Variants in DCPS observed in about 807,000 individuals in gnomAD.
The protein encoded by DCPS is m7GpppX diphosphatase.
A neutral mutation model predicts 34.7 loss-of-function variants in DCPS; 27 were observed. The ratio of observed to expected loss-of-function variants is 0.78; its 90% CI spans 0.57 to 1.07. The LOEUF (loss-of-function observed/expected upper bound fraction) is 1.07. DCPS is among the 50% of genes least tolerant of loss of function. DCPS has a pLI of 0.00. For synonymous variants in DCPS, 185 were observed against 185.7 expected (o/e 1.00, Z 0.03); for missense variants, 464 against 436.9 (o/e 1.06, Z -0.55).
chr11:126,316,415 C>T (rs1448468071), intron 2 of DCPS, among the ~76,000 whole-genome samples: 1 of 151,778 alleles, frequency 6.6e-6, no homozygotes, highest in Admixed American at 6.6e-5. Context: ...CAGTGTGACC[C>T]AGGGAAGCCA....
rs1156681339 is a variant in DCPS at position 126,327,578 on chromosome 11, C to A, written c.377-3827C>A. ...TTGTTTATTGAGCATTGACTCCTGA[C>A]CAAACTCCTCCTGAAGTTCAGCTGC... is the stretch of plus-strand genomic sequence containing the variant. On this transcript the variant is annotated intron_variant, in intron 2 of 5. Coordinates refer to ENST00000263579, the MANE Select transcript of DCPS (RefSeq NM_014026.6). The surrounding 1 kb of genome is among the most constrained non-coding windows in gnomAD (Gnocchi z 4.1). Among the ~76,000 whole-genome samples, 1 of 152,218 alleles carries A rather than the reference C, an allele frequency of 6.6e-6. No individual in the cohort carries two copies. Among genetic ancestry groups the A allele is most frequent in the Non-Finnish European group, 1.5e-5 (1 of 68,046 alleles).
In DCPS at chr11:126,334,113, C is replaced by G. The variant is rs1951812856; in HGVS notation, c.522+2563C>G. Reference sequence around the variant, plus strand: ...GAGCAATTTAAGAGGTAGGTCTTCACAGGGCTGGATGGGGCTTAGCAACTG... The same window carrying G: ...GAGCAATTTAAGAGGTAGGTCTTCAGAGGGCTGGATGGGGCTTAGCAACTG... On this transcript the variant is annotated intron_variant, in intron 3 of 5. Transcript: ENST00000263579. This position sits in a 1 kb window ranked among gnomAD's most constrained non-coding sequence, Gnocchi z 5.5. Among the ~76,000 whole-genome samples the G allele has an allele frequency of 6.6e-6, 1 of 152,008 alleles. No individual in the cohort carries two copies. Among genetic ancestry groups the G allele is most frequent in the Non-Finnish European group, 1.5e-5 (1 of 68,002 alleles).
Position 126,331,323 on chromosome 11 carries a change from G to A in DCPS, c.377-82G>A, listed in dbSNP as rs1017416688. 2 of 1,551,886 alleles carry A rather than the reference G, an allele frequency of 1.3e-6. No individual in the cohort carries two copies. The highest frequency in any genetic ancestry group is 3.8e-5 in the Admixed American group (2 of 53,064). ...CCCTCAGGGAATCAAAGCCAGGGTGGGAGTTCTCTCCTCACCGTGGTGCCT... is the reference window on the plus strand; with the variant it reads ...CCCTCAGGGAATCAAAGCCAGGGTGAGAGTTCTCTCCTCACCGTGGTGCCT... On this transcript the variant is annotated intron_variant, in intron 2 of 5. Coordinates refer to ENST00000263579, the MANE Select transcript of DCPS (RefSeq NM_014026.6). The surrounding 1 kb of genome is among the most constrained non-coding windows in gnomAD (Gnocchi z 7.2).
chr11:126,331,325 AG>A lies in DCPS; in HGVS notation c.377-79del, dbSNP rs1951789480. 2 of 1,552,828 alleles carry A rather than the reference AG, an allele frequency of 1.3e-6. No homozygotes were observed. Among genetic ancestry groups the A allele is most frequent in the South Asian group, 1.2e-5 (1 of 83,406 alleles). On this transcript the variant is annotated intron_variant, in intron 2 of 5. Transcript: ENST00000263579. This position sits in a 1 kb window ranked among gnomAD's most constrained non-coding sequence, Gnocchi z 7.2. ...CTCAGGGAATCAAAGCCAGGGTGGG[AG>A]TTCTCTCCTCACCGTGGTGCCTGTG...
In DCPS at chr11:126,345,275, T is replaced by C; in HGVS notation, c.748-72T>C. 6.3e-7 allele frequency: 1 copy of C among 1,582,682 alleles called. No homozygotes were observed. The highest frequency in any genetic ancestry group is 8.6e-7 in the Non-Finnish European group (1 of 1,165,616). On this transcript the variant is annotated intron_variant, in intron 5 of 5. Coordinates refer to ENST00000263579, the MANE Select transcript of DCPS (RefSeq NM_014026.6). This position sits in a 1 kb window ranked among gnomAD's most constrained non-coding sequence, Gnocchi z 7.4. ...ATCCAGGATTCAGATGGGAGGAGGG[T>C]CTAGGTGGGGACATGGCGCCGGGCC...
chr11:126,308,301 CCTT>C (rs1951590265), intron 2 of DCPS, among the ~76,000 whole-genome samples: 2 of 152,150 alleles, frequency 1.3e-5, no homozygotes, highest in Admixed American at 6.5e-5. Context: ...TTTGTCATAT[CCTT>C]CTGTCTTCTT....
At position 126,319,195 on chromosome 11, in the gene DCPS, C is replaced by T. The variant is rs998295943; in HGVS notation, c.377-12210C>T. ...GGAGGCATCACTATCATCATTCTCGCCGCTAGAACATCCTGTAGATGAAGA... is the reference window on the plus strand; with the variant it reads ...GGAGGCATCACTATCATCATTCTCGTCGCTAGAACATCCTGTAGATGAAGA... On this transcript the variant is annotated intron_variant, in intron 2 of 5. Coordinates refer to ENST00000263579, the MANE Select transcript of DCPS (RefSeq NM_014026.6). The surrounding 1 kb of genome is among the most constrained non-coding windows in gnomAD (Gnocchi z 4.5). Among the ~76,000 whole-genome samples, 24 of 152,154 alleles carry T rather than the reference C, an allele frequency of 1.6e-4. No individual in the cohort carries two copies. The highest frequency in any genetic ancestry group is 3.5e-4 in the Non-Finnish European group (24 of 68,010).
rs540044603 is a variant in DCPS, at chr11:126,325,669, T to G, written c.377-5736T>G. On this transcript the variant is annotated intron_variant, in intron 2 of 5. Coordinates refer to ENST00000263579, the MANE Select transcript of DCPS (RefSeq NM_014026.6). The surrounding 1 kb of genome is among the most constrained non-coding windows in gnomAD (Gnocchi z 4.3). ...GCTTCATTTGACTCTTTGACATATA[T>G]GCAAGTACAATTTGAATTAAAAAGA... 6.6e-6 allele frequency among the ~76,000 whole-genome samples: 1 copy of G among 152,320 alleles called. No individual in the cohort carries two copies. The highest frequency in any genetic ancestry group is 2.1e-4 in the South Asian group (1 of 4,830).
rs1379011590 is a variant in DCPS, at chr11:126,313,383, T to C, written c.376+6639T>C. On this transcript the variant is annotated intron_variant, in intron 2 of 5. Transcript: ENST00000263579. This position sits in a 1 kb window ranked among gnomAD's most constrained non-coding sequence, Gnocchi z 4.9. ...AAGGAGCATTTTAAAAGACAAGTCATTCTCAGAAGAGTTTGCTTGGTAGCA... is the reference window on the plus strand; with the variant it reads ...AAGGAGCATTTTAAAAGACAAGTCACTCTCAGAAGAGTTTGCTTGGTAGCA... Among the ~76,000 whole-genome samples, 1 of 152,172 alleles carries C rather than the reference T, an allele frequency of 6.6e-6. No individual in the cohort carries two copies. The highest frequency in any genetic ancestry group is 2.4e-5 in the African/African-American group (1 of 41,426).
chr11:126,309,881 C>T (rs1951607057), intron 2 of DCPS, among the ~76,000 whole-genome samples: 1 of 152,142 alleles, frequency 6.6e-6, no homozygotes, highest in Admixed American at 6.5e-5. Flanking sequence ...ATCTTCCTTC[C>T]CAACCCCTTC....
In DCPS at chr11:126,328,602, T is replaced by C. The variant is rs1951757853; in HGVS notation, c.377-2803T>C. On this transcript the variant is annotated intron_variant, in intron 2 of 5. Coordinates refer to ENST00000263579, the MANE Select transcript of DCPS (RefSeq NM_014026.6). This position sits in a 1 kb window ranked among gnomAD's most constrained non-coding sequence, Gnocchi z 6.6. ...CAGGCCTCGGCAGACCAGGGCATGCTCACAGGCCGGGTGGCTTTCTGATCT... is the reference window on the plus strand; with the variant it reads ...CAGGCCTCGGCAGACCAGGGCATGCCCACAGGCCGGGTGGCTTTCTGATCT... Among the ~76,000 whole-genome samples, 1 of 152,102 alleles carries C rather than the reference T, an allele frequency of 6.6e-6. No individual in the cohort carries two copies. Among genetic ancestry groups the C allele is most frequent in the African/African-American group, 2.4e-5 (1 of 41,402 alleles).
Position 126,332,434 on chromosome 11 carries a change from G to A in DCPS, c.522+884G>A, listed in dbSNP as rs1298169110. Among the ~76,000 whole-genome samples the A allele has an allele frequency of 6.6e-6, 1 of 152,230 alleles. No homozygotes were observed. The highest frequency in any genetic ancestry group is 1.5e-5 in the Non-Finnish European group (1 of 68,042). On this transcript the variant is annotated intron_variant, in intron 3 of 5. Transcript: ENST00000263579. This position sits in a 1 kb window ranked among gnomAD's most constrained non-coding sequence, Gnocchi z 5.4. ...TTGCCCACTCACTGACTCTGACACT[G>A]TGCCTTGTCTTTATCACTCACCCTT...
Position 126,306,710 on chromosome 11 carries a change from C to T in DCPS, c.342C>T (p.Ser114=). 1 of 1,607,016 alleles carries T rather than the reference C, an allele frequency of 6.2e-7. No individual in the cohort carries two copies. Among genetic ancestry groups the T allele is most frequent in the Admixed American group, 1.7e-5 (1 of 59,902 alleles). The change falls in exon 2 of 6, where the codon AGC becomes AGT. Residue 114 remains serine (S), a synonymous_variant. Transcript: ENST00000263579. ...TGCAGTTCTCCAATGATATCTACAGCACCTATCACTTGTTCCCTCCAAGAC... is the reference window on the plus strand; with the variant it reads ...TGCAGTTCTCCAATGATATCTACAGTACCTATCACTTGTTCCCTCCAAGAC... ...LQLQFSNDIY[S]TYHLFPPRQL... is the part of the protein sequence containing the mutation.
rs374736698 is a variant in DCPS at position 126,333,773 on chromosome 11, A to G, written c.522+2223A>G. ...CAGGAGTTCCTGAACCTTGCTTACC[A>G]TCAGGATTGCCTGGGGGTTTTCATA... is the stretch of plus-strand genomic sequence containing the variant. On this transcript the variant is annotated intron_variant, in intron 3 of 5. Coordinates refer to ENST00000263579, the MANE Select transcript of DCPS (RefSeq NM_014026.6). This position sits in a 1 kb window ranked among gnomAD's most constrained non-coding sequence, Gnocchi z 5.7. 1.1e-4 allele frequency among the ~76,000 whole-genome samples: 17 copies of G among 152,296 alleles called. No individual in the cohort carries two copies. In the East Asian group the frequency reaches 1.5e-3, roughly 14 times the overall value.
At chr11:126,306,234 G>GCA (rs1951564058) in intron 1 of DCPS, among the ~76,000 whole-genome samples, 1 of 152,098 alleles carries the variant, frequency 6.6e-6, no homozygotes, top group Non-Finnish European at 1.5e-5. Flanking sequence ...TTAGCCAGAT[G>GCA]TGGTGGCATG....
chr11:126,320,706 G>C lies in DCPS; in HGVS notation c.377-10699G>C, dbSNP rs1483175922. ...TAGTTCCAGCTACCTGGGAGGTTGA[G>C]ACGGGAAGATCACTTCAGTCCAGGA... is the stretch of plus-strand genomic sequence containing the variant. On this transcript the variant is annotated intron_variant, in intron 2 of 5. Transcript: ENST00000263579. This position sits in a 1 kb window ranked among gnomAD's most constrained non-coding sequence, Gnocchi z 4.7. Among the ~76,000 whole-genome samples, 3 of 152,130 alleles carry C rather than the reference G, an allele frequency of 2.0e-5. No homozygotes were observed. The highest frequency in any genetic ancestry group is 4.4e-5 in the Non-Finnish European group (3 of 68,036).
chr11:126,335,083 G>C lies in DCPS; in HGVS notation c.523-3203G>C, dbSNP rs1951822445. ...ATGGCAGCCACCATCCCCTACTCTA[G>C]GTAACTGTTCAGAGGGACAGGCACA... On this transcript the variant is annotated intron_variant, in intron 3 of 5. Coordinates refer to ENST00000263579, the MANE Select transcript of DCPS (RefSeq NM_014026.6). The surrounding 1 kb of genome is among the most constrained non-coding windows in gnomAD (Gnocchi z 4.8). Among the ~76,000 whole-genome samples the C allele has an allele frequency of 6.6e-6, 1 of 152,230 alleles. No homozygotes were observed. Among genetic ancestry groups the C allele is most frequent in the East Asian group, 1.9e-4 (1 of 5,192 alleles).
intron 2 of DCPS, 141 bp downstream of exon 2, chr11:126,306,885 C>A: frequency 9.5e-7 from 1 of 1,050,184 alleles, no homozygotes; most frequent in Non-Finnish European, 1.3e-6. Context: ...GGACATTTGG[C>A]CATCGGTGAA....
In DCPS at chr11:126,331,674, T is replaced by C; in HGVS notation, c.522+124T>C. On this transcript the variant is annotated intron_variant, in intron 3 of 5. Coordinates refer to ENST00000263579, the MANE Select transcript of DCPS (RefSeq NM_014026.6). The surrounding 1 kb of genome is among the most constrained non-coding windows in gnomAD (Gnocchi z 7.2). ...GCTGGGCGAGGGGATGGGGGTACAG[T>C]AGAGAGCATGGCGGACAGAATCCCC... The C allele has an allele frequency of 8.1e-7, 1 of 1,238,224 alleles. No homozygotes were observed. Among genetic ancestry groups the C allele is most frequent in the South Asian group, 1.5e-5 (1 of 68,240 alleles). 76.7% of individuals were successfully genotyped at this position (1,238,224 alleles called of 1,614,324 possible). A position where few individuals can be genotyped will look rare whatever the true frequency, so the allele number is the denominator to read the frequency against.
Sources: gnomAD v4.1 joint callset for allele counts (sites outside exome capture counted in the v4.1 genomes callset) on GRCh38, gnomAD v4.1.1 for gene constraint, Gnocchi (gnomAD v3.1) non-coding constraint, MANE v1.5 for transcripts, NCBI Gene and HGNC (gene_info 2026-07-23, HGNC 2026-07-21) for gene names.